XYLT1: variants seen among roughly 807,000 people sequenced by gnomAD.
XYLT1 encodes the protein beta-D-xylosyltransferase 1.
XYLT1 carries 36 observed loss-of-function variants against 91.3 expected under a neutral mutation model. That is an observed-to-expected ratio of 0.39 (90% CI 0.30 to 0.52). The LOEUF (loss-of-function observed/expected upper bound fraction) is 0.52. Ranked by LOEUF, XYLT1 falls within the 20% of genes least tolerant of loss-of-function variation. The pLI is 0.68. For missense variants in XYLT1, 1,242 were observed against 1,284.5 expected (o/e 0.97, Z 0.51); for synonymous variants, 588 against 532.0 (o/e 1.11, Z -1.45).
intron 1 of XYLT1, among the ~76,000 whole-genome samples, chr16:17,456,185 T>A (rs777953294): frequency 6.6e-6 from 1 of 151,818 alleles, no homozygotes; most frequent in Non-Finnish European, 1.5e-5. Context: ...GATGTCCACG[T>A]CCACAGTCAG....
intron 3 of XYLT1, among the ~76,000 whole-genome samples, chr16:17,255,467 G>A (rs931502984): frequency 1.3e-5 from 2 of 152,148 alleles, no homozygotes; most frequent in Admixed American, 6.5e-5. Context: ...CAAATGTGCT[G>A]TCTCTGATAT....
At chr16:17,349,498 C>T (rs2035191089) in intron 2 of XYLT1, among the ~76,000 whole-genome samples, 1 of 152,000 alleles carries the variant, frequency 6.6e-6, no homozygotes, top group Non-Finnish European at 1.5e-5. Context: ...AACTTGGTCT[C>T]TCTGGCTTTA....
At chr16:17,469,415 T>A (rs1269577983) in intron 1 of XYLT1, among the ~76,000 whole-genome samples, 1 of 152,216 alleles carries the variant, frequency 6.6e-6, no homozygotes, top group Non-Finnish European at 1.5e-5. Context: ...CCTGGAGAAC[T>A]GAGACCTTGG....
chr16:17,402,834 CT>C (rs1223602628), intron 1 of XYLT1, among the ~76,000 whole-genome samples: 3 of 151,586 alleles, frequency 2.0e-5, no homozygotes, highest in African/African-American at 7.3e-5. Context: ...CCTCAACCTC[CT>C]GGGCTCAAGC....
rs1379232950 is a variant in XYLT1, at chr16:17,198,297, G to C, written c.1204C>G (p.Leu402Val). The change falls in exon 5 of 12, where the codon CTG (leucine) becomes GTG (valine). Residue 402 changes from leucine to valine, a missense_variant. Coordinates refer to ENST00000261381, the MANE Select transcript of XYLT1 (RefSeq NM_022166.4). ...WGGASLLSTY[L>V]QSMRDLLEMT... ...TCCAGGAGGTCCCGCATGCTCTGCA[G>C]GTAGGTGGACAGGAGGCTGGCTCCT... The C allele has an allele frequency of 1.9e-6, 3 of 1,614,096 alleles. No homozygotes were observed. The highest frequency in any genetic ancestry group is 2.5e-6 in the Non-Finnish European group (3 of 1,180,022).
chr16:17,421,388 G>C (rs1431736130), intron 1 of XYLT1, among the ~76,000 whole-genome samples: 2 of 152,158 alleles, frequency 1.3e-5, no homozygotes, highest in African/African-American at 4.8e-5. Context: ...CAAGAGGTGG[G>C]ACTTATTTTT....
At chr16:17,277,422 C>A (rs570136724) in intron 2 of XYLT1, among the ~76,000 whole-genome samples, 1 of 152,218 alleles carries the variant, frequency 6.6e-6, no homozygotes, top group Admixed American at 6.5e-5. Context: ...CAGACAAAGT[C>A]TCTGTCATCC....
intron 1 of XYLT1, among the ~76,000 whole-genome samples, chr16:17,408,812 C>T (rs2036065847): frequency 6.6e-6 from 1 of 152,210 alleles, no homozygotes; most frequent in South Asian, 2.1e-4. Context: ...CGCACCATTA[C>T]ACTCCAGCCC....
intron 11 of XYLT1, among the ~76,000 whole-genome samples, chr16:17,116,982 T>G (rs1313666389): frequency 2.0e-5 from 3 of 151,998 alleles, no homozygotes; most frequent in Non-Finnish European, 2.9e-5. Context: ...TTGGTGGTCT[T>G]TTTTTTTGTA....
chr16:17,198,271 C>T lies in XYLT1; in HGVS notation c.1230G>A (p.Glu410=). 1 of 1,614,224 alleles carries T rather than the reference C, an allele frequency of 6.2e-7. No individual in the cohort carries two copies. The highest frequency in any genetic ancestry group is 8.5e-7 in the Non-Finnish European group (1 of 1,180,034). ...TYLQSMRDLL[E]MTDWPWDFFI... is the part of the protein sequence containing the mutation. ...AGAAGTCCCAGGGCCAGTCGGTCAT[C>T]TCCAGGAGGTCCCGCATGCTCTGCA... Residue 410 remains glutamate (E), a synonymous_variant, in exon 5 of 12, where the codon GAG becomes GAA. Transcript: ENST00000261381.
chr16:17,362,968 G>A (rs2035404315), intron 1 of XYLT1, among the ~76,000 whole-genome samples: 1 of 152,206 alleles, frequency 6.6e-6, no homozygotes, highest in Non-Finnish European at 1.5e-5. Context: ...CTGGCTTGGT[G>A]CCTTCTCTCC....
At chr16:17,185,177 T>C (rs1433987771) in intron 5 of XYLT1, among the ~76,000 whole-genome samples, 1 of 152,232 alleles carries the variant, frequency 6.6e-6, no homozygotes, top group Non-Finnish European at 1.5e-5. Flanking sequence ...CCAGGACAAC[T>C]GGCAAGAGGG....
rs538079257 is a variant in XYLT1 at position 17,442,611 on chromosome 16, A to C, written c.363+27823T>G. Among the ~76,000 whole-genome samples, 130 of 152,230 alleles carry C rather than the reference A, an allele frequency of 8.5e-4. 2 individuals are homozygous for C. The South Asian group carries it at 0.026, about 30-fold the overall frequency. ...AGCATTTTTAGACCCTGGAGGTTCC[A>C]CAGCTCTGGATTCTCAATGAGCCCA... On this transcript the variant is annotated intron_variant, in intron 1 of 11. Transcript: ENST00000261381.
intron 6 of XYLT1, among the ~76,000 whole-genome samples, chr16:17,152,912 T>A (rs1307043658): frequency 6.6e-6 from 1 of 152,190 alleles, no homozygotes; most frequent in Non-Finnish European, 1.5e-5. Flanking sequence ...GTGGCTAATT[T>A]TATAAATTGT....
At chr16:17,433,119 A>C (rs767808029) in intron 1 of XYLT1, among the ~76,000 whole-genome samples, 3 of 151,298 alleles carry the variant, frequency 2.0e-5, no homozygotes, top group Non-Finnish European at 4.4e-5. Context: ...GCTGTGTTAG[A>C]AAAAAAAAGG....
chr16:17,138,189 TCAATAAA>T, intron 8 of XYLT1, 159 bp downstream of exon 8: 1 of 729,212 alleles, frequency 1.4e-6, no homozygotes, highest in Non-Finnish European at 2.1e-6. Flanking sequence ...AAGTAAGTGC[TCAATAAA>T]CACTGGCTAT....
At chr16:17,388,191 C>T (rs886812082) in intron 1 of XYLT1, among the ~76,000 whole-genome samples, 2 of 152,190 alleles carry the variant, frequency 1.3e-5, no homozygotes, top group Non-Finnish European at 2.9e-5. Flanking sequence ...TGTACATGGA[C>T]ATTTTGCAGA....
At chr16:17,327,922 G>T (rs1045407511) in intron 2 of XYLT1, among the ~76,000 whole-genome samples, 9 of 152,202 alleles carry the variant, frequency 5.9e-5, no homozygotes, top group African/African-American at 2.2e-4. Flanking sequence ...TATTTGCAAA[G>T]TGTGAGGCTC....
intron 2 of XYLT1, among the ~76,000 whole-genome samples, chr16:17,355,690 C>T (rs1349305911): frequency 6.6e-6 from 1 of 152,092 alleles, no homozygotes; most frequent in Non-Finnish European, 1.5e-5. Context: ...TTCTCAATCT[C>T]AACACCATTA....
Sources: gnomAD v4.1 joint callset for allele counts (sites outside exome capture counted in the v4.1 genomes callset) on GRCh38, gnomAD v4.1.1 for gene constraint, MANE v1.5 for transcripts, NCBI Gene and HGNC (gene_info 2026-07-23, HGNC 2026-07-21) for gene names.